NOX4: variants seen among roughly 807,000 people sequenced by gnomAD.
NOX4 encodes the protein kidney oxidase-1.
A neutral mutation model predicts 87.6 loss-of-function variants in NOX4; 69 were observed. That is an observed-to-expected ratio of 0.79 (90% CI 0.65 to 0.96). The LOEUF (loss-of-function observed/expected upper bound fraction) is 0.96, where lower values mean the gene tolerates loss of function less well. Among genes scored for constraint, NOX4 ranks in the 40% least tolerant of loss-of-function variants. The pLI is 0.00. For missense variants in NOX4, 680 were observed against 681.5 expected (o/e 1.00, Z 0.02); for synonymous variants, 275 against 238.2 (o/e 1.15, Z -1.42).
chr11:89,576,632 T>C, the NOX4 span, among the ~76,000 whole-genome samples: 1 of 152,154 alleles, frequency 6.6e-6, no homozygotes, highest in Non-Finnish European at 1.5e-5. Context: ...ACAATCCAGC[T>C]TTGTCTTTAG....
intron 8 of NOX4, among the ~76,000 whole-genome samples, chr11:89,403,565 C>T (rs951869915): frequency 9.2e-5 from 14 of 152,062 alleles, no homozygotes; most frequent in African/African-American, 3.1e-4. Context: ...CAGGGAGAAG[C>T]CCCGTCTCTA....
intron 11 of NOX4, among the ~76,000 whole-genome samples, chr11:89,384,189 A>G (rs1241730620): frequency 6.6e-6 from 1 of 151,934 alleles, no homozygotes; most frequent in East Asian, 1.9e-4. Flanking sequence ...TCCTATCTGC[A>G]ATACCTCCCT....
chr11:89,332,606 A>G (rs555447405), intron 17 of NOX4, among the ~76,000 whole-genome samples: 1 of 152,064 alleles, frequency 6.6e-6, no homozygotes, highest in South Asian at 2.1e-4. Flanking sequence ...TACAGCATTC[A>G]TAGTAAACAT....
chr11:89,585,678 T>C, the NOX4 span, among the ~76,000 whole-genome samples: 67 of 152,282 alleles, frequency 4.4e-4, no homozygotes, highest in African/African-American at 1.5e-3. Flanking sequence ...TGCTTTACAG[T>C]AGAGAGTGTC....
At chr11:89,506,317 G>T in the NOX4 span, among the ~76,000 whole-genome samples, 1 of 147,748 alleles carries the variant, frequency 6.8e-6, no homozygotes, top group African/African-American at 2.5e-5. Context: ...GAGAAAGAAA[G>T]AAAGAGAAAA....
At chr11:89,462,379 G>A (rs11826721) in intron 2 of NOX4, among the ~76,000 whole-genome samples, 8,795 of 152,162 alleles carry the variant, frequency 0.058, 782 homozygotes, top group African/African-American at 0.2. Context: ...ACTTTCAAAT[G>A]TATGCAGAAA....
At chr11:89,438,476 CTATATATACTATATAATATACAGCAT>C (rs1944212131) in intron 6 of NOX4, among the ~76,000 whole-genome samples, 1 of 77,516 alleles carries the variant, frequency 1.3e-5, no homozygotes, top group African/African-American at 7.3e-5. Context: ...ATATTATATA[CTATATATACTATATAATATACAGCAT>C]ATATATTATA....
At chr11:89,465,140 GC>G (rs1282785908) in intron 2 of NOX4, among the ~76,000 whole-genome samples, 10 of 151,636 alleles carry the variant, frequency 6.6e-5, no homozygotes, top group Admixed American at 1.3e-4. Context: ...CCCTCCCCTA[GC>G]CCCCCACCAC....
At chr11:89,420,516 T>C (rs1184519526) in intron 8 of NOX4, among the ~76,000 whole-genome samples, 1 of 152,088 alleles carries the variant, frequency 6.6e-6, no homozygotes, top group East Asian at 1.9e-4. Flanking sequence ...TCTACAACTA[T>C]GTGTTCTGGA....
intron 12 of NOX4, among the ~76,000 whole-genome samples, chr11:89,371,453 G>A (rs543748283): frequency 6.6e-6 from 1 of 151,984 alleles, no homozygotes; most frequent in South Asian, 2.1e-4. Flanking sequence ...ATTTTAATGA[G>A]CTACTGGTAA....
the NOX4 span, among the ~76,000 whole-genome samples, chr11:89,560,996 C>CTATATA: frequency 9.1e-4 from 37 of 40,794 alleles, no homozygotes; most frequent in African/African-American, 2.4e-3. Context: ...CTCTCTCTCT[C>CTATATA]TATATATATA....
At chr11:89,520,378 T>C in the NOX4 span, among the ~76,000 whole-genome samples, 1 of 152,080 alleles carries the variant, frequency 6.6e-6, no homozygotes, top group Admixed American at 6.6e-5. Context: ...GGAATTATAC[T>C]TCAAAGCATA....
chr11:89,582,530 A>G, the NOX4 span, among the ~76,000 whole-genome samples: 1 of 151,916 alleles, frequency 6.6e-6, no homozygotes, highest in Non-Finnish European at 1.5e-5. Flanking sequence ...TTCCCCACAA[A>G]ACTTGTCTTT....
chr11:89,493,663 C>T (rs552658384), upstream of NOX4, among the ~76,000 whole-genome samples: 12 of 151,542 alleles, frequency 7.9e-5, no homozygotes, highest in South Asian at 1.5e-3. Flanking sequence ...TGTCCTGTTA[C>T]GCAGGAACTC....
At chr11:89,451,976 C>T (rs902747106) in intron 2 of NOX4, 81 bp from the exon 3 acceptor site, 9 of 859,068 alleles carry the variant, frequency 1.0e-5, no homozygotes, top group African/African-American at 1.0e-4. Context: ...AGAGGTCTCA[C>T]CCTATTGCTC....
chr11:89,543,343 T>C, the NOX4 span, among the ~76,000 whole-genome samples: 1 of 152,174 alleles, frequency 6.6e-6, no homozygotes, highest in Admixed American at 6.5e-5. Flanking sequence ...TTTGGTGATA[T>C]AGAATCACAT....
chr11:89,461,967 CTT>C (rs978092890), intron 2 of NOX4, among the ~76,000 whole-genome samples: 25 of 150,704 alleles, frequency 1.7e-4, no homozygotes, highest in Admixed American at 6.6e-4. Flanking sequence ...CCTTAGTAAA[CTT>C]TTGTTTTATT....
chr11:89,429,821 A>T (rs1017148124), intron 7 of NOX4, among the ~76,000 whole-genome samples: 8 of 152,206 alleles, frequency 5.3e-5, no homozygotes, highest in Non-Finnish European at 1.0e-4. Flanking sequence ...TCCAATCAAT[A>T]GAAAAAGAGG....
intron 2 of NOX4, among the ~76,000 whole-genome samples, chr11:89,454,527 G>A (rs1048807878): frequency 6.6e-6 from 1 of 152,028 alleles, no homozygotes; most frequent in Non-Finnish European, 1.5e-5. Flanking sequence ...AGACTATTTA[G>A]CCAACTGTAC....
Sources: allele counts gnomAD v4.1 joint callset (sites outside exome capture counted in the v4.1 genomes callset), GRCh38; gene constraint gnomAD v4.1.1; transcripts MANE v1.5; gene names NCBI Gene and HGNC (gene_info 2026-07-23, HGNC 2026-07-21).